KYNU: variants seen among roughly 807,000 people sequenced by gnomAD.
The protein encoded by KYNU is L-kynurenine hydrolase.
In KYNU, 54 loss-of-function variants were observed where a neutral mutation model predicts 59.2. That is an observed-to-expected ratio of 0.91 (90% CI 0.73 to 1.14). KYNU has a LOEUF of 1.14. Among genes scored for constraint, KYNU ranks in the 50% most tolerant of loss-of-function variants. The pLI is 0.00. For missense variants in KYNU, 567 were observed against 554.4 expected (o/e 1.02, Z -0.23); for synonymous variants, 177 against 192.0 (o/e 0.92, Z 0.65).
rs148153847 is a variant in KYNU, at chr2:142,981,437, TTATAAG to T, written c.730-3642_730-3637del. On this transcript the variant is annotated intron_variant, in intron 8 of 13. Transcript: ENST00000264170. ...TTTTTCCCCATATGGAATTTCAGTA[TTATAAG>T]TATATCTTAAAATATAAACAAATAA... Among the ~76,000 whole-genome samples the T allele has an allele frequency of 5.3e-3, 803 of 152,238 alleles. 28 individuals carry two copies. In the East Asian group the frequency reaches 0.08, roughly 15 times the overall value.
At chr2:143,003,964 C>T (rs1486160448) in intron 10 of KYNU, among the ~76,000 whole-genome samples, 4 of 152,256 alleles carry the variant, frequency 2.6e-5, no homozygotes, top group East Asian at 1.9e-4. Context: ...GACTTCTAAT[C>T]GAAGACATTC....
rs560589864 is a variant in KYNU at position 142,954,792 on chromosome 2, G to A, written c.374-18G>A. ...GACATAGTACAAACATCTAAATTACGATATGTTTATTTTACAGGAGCCAAT... is the reference window on the plus strand; with the variant it reads ...GACATAGTACAAACATCTAAATTACAATATGTTTATTTTACAGGAGCCAAT... On this transcript the variant is annotated intron_variant, in intron 4 of 13. Transcript: ENST00000264170. 1.2e-5 allele frequency: 18 copies of A among 1,529,938 alleles called. No homozygotes were observed. Among genetic ancestry groups the A allele is most frequent in the African/African-American group, 5.5e-5 (4 of 73,210 alleles). The allele number at this position is 1,529,938 out of a possible 1,614,324, so 94.8% of individuals were successfully genotyped here.
At chr2:142,981,980 T>C (rs1685064129) in intron 8 of KYNU, among the ~76,000 whole-genome samples, 1 of 152,132 alleles carries the variant, frequency 6.6e-6, no homozygotes, top group Non-Finnish European at 1.5e-5. Context: ...CTGGCCGTGA[T>C]CCAAAATTAA....
At chr2:142,966,195 G>A (rs1684525401) in intron 8 of KYNU, among the ~76,000 whole-genome samples, 2 of 152,176 alleles carry the variant, frequency 1.3e-5, no homozygotes, top group African/African-American at 4.8e-5. Context: ...GTGTTAGGTA[G>A]AATAGTTATT....
chr2:143,018,114 T>C (rs1686313329), intron 10 of KYNU, among the ~76,000 whole-genome samples: 4 of 152,222 alleles, frequency 2.6e-5, no homozygotes, highest in African/African-American at 9.7e-5. Context: ...GTTGATAGTT[T>C]CTTTTGCAGT....
At chr2:142,887,062 C>T (rs1427799329) in intron 2 of KYNU, among the ~76,000 whole-genome samples, 4 of 151,794 alleles carry the variant, frequency 2.6e-5, no homozygotes, top group African/African-American at 7.3e-5. Flanking sequence ...CCCAGCTGCT[C>T]GGGAGGCTGA....
At chr2:142,988,864 T>A in intron 10 of KYNU, 2 of 1,608,582 alleles carry the variant, frequency 1.2e-6, no homozygotes, top group African/African-American at 2.7e-5. Flanking sequence ...GTTCTTTAAT[T>A]AGGAATGGAA....
intron 8 of KYNU, among the ~76,000 whole-genome samples, chr2:142,982,948 C>T (rs549301567): frequency 1.3e-5 from 2 of 151,960 alleles, no homozygotes; most frequent in African/African-American, 4.8e-5. Flanking sequence ...ATTCCTAAGA[C>T]CAAGTAAAGG....
intron 8 of KYNU, among the ~76,000 whole-genome samples, chr2:142,980,050 A>G (rs541738629): frequency 6.6e-6 from 1 of 152,032 alleles, no homozygotes; most frequent in South Asian, 2.1e-4. Flanking sequence ...ATTATTCATG[A>G]TTTTTCTGGG....
At chr2:142,997,371 A>G (rs1450957300) in intron 10 of KYNU, among the ~76,000 whole-genome samples, 1 of 152,168 alleles carries the variant, frequency 6.6e-6, no homozygotes, top group African/African-American at 2.4e-5. Context: ...CCAAGTTGTT[A>G]TTACAGACTT....
intron 10 of KYNU, among the ~76,000 whole-genome samples, chr2:143,017,434 CTTTTTT>C (rs1184177776): frequency 2.9e-4 from 20 of 68,450 alleles, no homozygotes; most frequent in East Asian, 1.2e-3. Context: ...TCTCTTTTTT[CTTTTTT>C]TTTTTTTTTT....
At chr2:142,926,679 G>C (rs1398199219) in intron 3 of KYNU, among the ~76,000 whole-genome samples, 1 of 152,322 alleles carries the variant, frequency 6.6e-6, no homozygotes. Context: ...CCAGGGTGGA[G>C]ACTTTAGCAT....
intron 8 of KYNU, among the ~76,000 whole-genome samples, chr2:142,983,211 T>G (rs1057511922): frequency 6.6e-6 from 1 of 151,946 alleles, no homozygotes; most frequent in Non-Finnish European, 1.5e-5. Context: ...TGAGTTCAGG[T>G]GAGGATGATT....
intron 2 of KYNU, among the ~76,000 whole-genome samples, chr2:142,915,229 A>G (rs1682631653): frequency 6.6e-6 from 1 of 152,196 alleles, no homozygotes; most frequent in Non-Finnish European, 1.5e-5. Context: ...ACTTCAGGAA[A>G]CTGGAGATTG....
intron 2 of KYNU, among the ~76,000 whole-genome samples, chr2:142,905,104 C>T (rs1354284433): frequency 6.6e-6 from 1 of 152,160 alleles, no homozygotes; most frequent in Non-Finnish European, 1.5e-5. Context: ...GAGTTCTTTG[C>T]CCACTAGGGT....
chr2:142,892,845 C>T (rs896912501), intron 2 of KYNU, among the ~76,000 whole-genome samples: 1 of 152,126 alleles, frequency 6.6e-6, no homozygotes, highest in African/African-American at 2.4e-5. Flanking sequence ...TGGCCTTGAC[C>T]TCCGAGTCCA....
intron 2 of KYNU, among the ~76,000 whole-genome samples, chr2:142,901,428 A>C (rs974464241): frequency 2.6e-5 from 4 of 152,080 alleles, no homozygotes; most frequent in African/African-American, 9.7e-5. Context: ...TTTTTAATGG[A>C]GAGTTCTGCC....
chr2:142,989,193 A>G lies in KYNU; in HGVS notation c.902+3172A>G, dbSNP rs148042799. Reference sequence around the variant, plus strand: ...ATTTATAGTTCCACGGTCAAATCCAATTTAAACTTTGAGTAAACTTTAGAG... The same window carrying G: ...ATTTATAGTTCCACGGTCAAATCCAGTTTAAACTTTGAGTAAACTTTAGAG... On this transcript the variant is annotated intron_variant, in intron 10 of 13. Coordinates refer to ENST00000264170, the MANE Select transcript of KYNU (RefSeq NM_003937.3). 6 of 319,682 alleles carry G rather than the reference A, an allele frequency of 1.9e-5. No individual in the cohort carries two copies. The Admixed American group carries it at 2.3e-4, about 12-fold the overall frequency. 19.8% of individuals were successfully genotyped at this position (319,682 alleles called of 1,614,324 possible).
At chr2:143,041,552 A>G (rs533104880) in intron 13 of KYNU, among the ~76,000 whole-genome samples, 8 of 152,174 alleles carry the variant, frequency 5.3e-5, no homozygotes, top group South Asian at 4.1e-4. Flanking sequence ...AAAGTTAACC[A>G]TAGTGATCTC....
Sources: allele counts gnomAD v4.1 joint callset (sites outside exome capture counted in the v4.1 genomes callset), GRCh38; gene constraint gnomAD v4.1.1; transcripts MANE v1.5; gene names NCBI Gene and HGNC (gene_info 2026-07-23, HGNC 2026-07-21).